FAM78A: variants seen among roughly 807,000 people sequenced by gnomAD.
FAM78A encodes the protein family with sequence similarity 78 member A.
FAM78A carries 12 observed loss-of-function variants against 22.6 expected under a neutral mutation model. The ratio of observed to expected loss-of-function variants is 0.53; its 90% confidence interval spans 0.34 to 0.86. The LOEUF is 0.86. FAM78A is among the 40% of genes least tolerant of loss of function. The pLI is 0.02. For synonymous variants in FAM78A, 151 were observed against 155.8 expected (o/e 0.97, Z 0.23); for missense variants, 322 against 396.1 (o/e 0.81, Z 1.59).
chr9:131,261,949 G>A lies in FAM78A; in HGVS notation c.324-599C>T, dbSNP rs538901762. Among the ~76,000 whole-genome samples the A allele has an allele frequency of 3.9e-5, 6 of 152,280 alleles. No homozygotes were observed. Among genetic ancestry groups the A allele is most frequent in the African/African-American group, 9.6e-5 (4 of 41,556 alleles). ...TACTGTTAAAAATGCACTCCTGGCC[G>A]GGCGTGGTGGCTCACACCTGTAATC... On this transcript the variant is annotated intron_variant, in intron 1 of 1. Coordinates refer to ENST00000372271, the MANE Select transcript of FAM78A (RefSeq NM_033387.4). The surrounding 1 kb of genome is among the most constrained non-coding windows in gnomAD (Gnocchi z 7.1).
chr9:131,266,419 A>T (rs573939994), intron 1 of FAM78A, among the ~76,000 whole-genome samples: 22 of 151,996 alleles, frequency 1.4e-4, no homozygotes, highest in African/African-American at 5.3e-4. Context: ...CAGCTGCTGC[A>T]GTGGGCCATG....
chr9:131,276,033 G>T lies in FAM78A; in HGVS notation c.147C>A (p.Pro49=), dbSNP rs747395501. 1.9e-6 allele frequency: 3 copies of T among 1,613,664 alleles called. No homozygotes were observed. Among genetic ancestry groups the T allele is most frequent in the Non-Finnish European group, 2.5e-6 (3 of 1,180,044 alleles). The change falls in exon 1 of 2, where the codon CCC becomes CCA. Residue 49 remains proline (P), a synonymous_variant. Transcript: ENST00000372271. This position sits in a 1 kb window ranked among gnomAD's most constrained non-coding sequence, Gnocchi z 4.3. ...TVIDVKASID[P]VPTSIDESSS... ...AGGACTCATCGATGCTAGTGGGGAC[G>T]GGGTCGATGGAGGCTTTCACATCAA...
intron 1 of FAM78A, among the ~76,000 whole-genome samples, chr9:131,268,871 C>CAA (rs1564237904): frequency 7.6e-5 from 11 of 145,046 alleles, no homozygotes; most frequent in Admixed American, 4.9e-4. Flanking sequence ...CCAGCCTGGG[C>CAA]GACAGAGCGA....
chr9:131,274,831 G>A lies in FAM78A; in HGVS notation c.323+1026C>T, dbSNP rs1835462963. Among the ~76,000 whole-genome samples the A allele has an allele frequency of 6.6e-6, 1 of 151,736 alleles. No individual in the cohort carries two copies. Among genetic ancestry groups the A allele is most frequent in the Admixed American group, 6.6e-5 (1 of 15,238 alleles). Reference sequence around the variant, plus strand: ...GAGAGAGGCTCTGGGAGTGTCAGCGGCCAGTCACGGGGCCACAGGGTAGAC... The same window carrying A: ...GAGAGAGGCTCTGGGAGTGTCAGCGACCAGTCACGGGGCCACAGGGTAGAC... On this transcript the variant is annotated intron_variant, in intron 1 of 1. Transcript: ENST00000372271. The surrounding 1 kb of genome is among the most constrained non-coding windows in gnomAD (Gnocchi z 4.2).
Position 131,275,737 on chromosome 9 carries a change from C to G in FAM78A, c.323+120G>C. 2 of 1,128,124 alleles carry G rather than the reference C, an allele frequency of 1.8e-6. No homozygotes were observed. The highest frequency in any genetic ancestry group is 5.2e-5 in the East Asian group (2 of 38,618). 69.9% of individuals were successfully genotyped at this position (1,128,124 alleles called of 1,614,324 possible). A position where few individuals can be genotyped will look rare whatever the true frequency, so the allele number is the denominator to read the frequency against. On this transcript the variant is annotated intron_variant, in intron 1 of 1. Transcript: ENST00000372271. This position sits in a 1 kb window ranked among gnomAD's most constrained non-coding sequence, Gnocchi z 4.6. ...ACCTGCATACCTGCCTAAAGCTTCC[C>G]TCTGGCCTCCGTCCTGTCTTCATGG...
Position 131,275,794 on chromosome 9 carries a change from C to A in FAM78A, c.323+63G>T. On this transcript the variant is annotated intron_variant, in intron 1 of 1. Coordinates refer to ENST00000372271, the MANE Select transcript of FAM78A (RefSeq NM_033387.4). This position sits in a 1 kb window ranked among gnomAD's most constrained non-coding sequence, Gnocchi z 4.6. Reference sequence around the variant, plus strand: ...CACCTTCCCCCTATCCGCGGCCCCCCACCAGGCCTCCAAGCTCGGCCATCC... The same window carrying A: ...CACCTTCCCCCTATCCGCGGCCCCCAACCAGGCCTCCAAGCTCGGCCATCC... 6.7e-7 allele frequency: 1 copy of A among 1,502,250 alleles called. No homozygotes were observed. The highest frequency in any genetic ancestry group is 1.3e-5 in the South Asian group (1 of 75,118). The allele number at this position is 1,502,250 out of a possible 1,614,324, so 93.1% of individuals were successfully genotyped here. A position where few individuals can be genotyped will look rare whatever the true frequency, so the allele number is the denominator to read the frequency against.
Position 131,276,354 on chromosome 9 carries a change from C to G in FAM78A, c.-175G>C. On this transcript the variant is annotated 5_prime_UTR_variant, in exon 1 of 2. Transcript: ENST00000372271. This position sits in a 1 kb window ranked among gnomAD's most constrained non-coding sequence, Gnocchi z 4.3. Reference sequence around the variant, plus strand: ...CTGCATTTCATGAGCCCTGGGCTCTCTCTTCTTCTCCTCGCAGTGGACAAA... The same window carrying G: ...CTGCATTTCATGAGCCCTGGGCTCTGTCTTCTTCTCCTCGCAGTGGACAAA... The G allele has an allele frequency of 1.8e-6, 1 of 548,526 alleles. No individual in the cohort carries two copies. Among genetic ancestry groups the G allele is most frequent in the Admixed American group, 3.4e-5 (1 of 29,376 alleles). 34.0% of individuals were successfully genotyped at this position (548,526 alleles called of 1,614,324 possible).
rs987871210 is a variant in FAM78A, at chr9:131,260,743, ATGAC to A, written c.*75_*78del. The A allele has an allele frequency of 1.2e-5, 18 of 1,470,602 alleles. No homozygotes were observed. In the African/African-American group the frequency reaches 1.7e-4, roughly 14 times the overall value. 91.1% of individuals were successfully genotyped at this position (1,470,602 alleles called of 1,614,324 possible). On this transcript the variant is annotated 3_prime_UTR_variant, in exon 2 of 2. Transcript: ENST00000372271. This position sits in a 1 kb window ranked among gnomAD's most constrained non-coding sequence, Gnocchi z 5.4. ...GGGTAGAATGGTTGTATCTTGCTGA[ATGAC>A]TGAAGAGTGAGTCTGAGTTTTGTTT...
rs1424754342 is a variant in FAM78A, at chr9:131,259,239, G to T, written c.*1583C>A. 1 of 152,702 alleles carries T rather than the reference G, an allele frequency of 6.5e-6. No homozygotes were observed. 9.5% of individuals were successfully genotyped at this position (152,702 alleles called of 1,614,324 possible). ...AGCGGGATGTCCCCTAATAGCCCCT[G>T]CAAGTGGCCACAAGGCCGACACTGC... On this transcript the variant is annotated 3_prime_UTR_variant, in exon 2 of 2. Transcript: ENST00000372271.
rs1461049611 is a variant in FAM78A at position 131,274,574 on chromosome 9, T to C, written c.323+1283A>G. Among the ~76,000 whole-genome samples, 1 of 152,180 alleles carries C rather than the reference T, an allele frequency of 6.6e-6. No individual in the cohort carries two copies. Among genetic ancestry groups the C allele is most frequent in the Non-Finnish European group, 1.5e-5 (1 of 68,020 alleles). On this transcript the variant is annotated intron_variant, in intron 1 of 1. Coordinates refer to ENST00000372271, the MANE Select transcript of FAM78A (RefSeq NM_033387.4). The surrounding 1 kb of genome is among the most constrained non-coding windows in gnomAD (Gnocchi z 4.2). ...CCCCCCATGTACCTCTTTGGGACAG[T>C]CACTGTCACACGCTGGACTTAAGGG...
Position 131,260,629 on chromosome 9 carries a change from A to C in FAM78A, c.*193T>G, listed in dbSNP as rs915239802. The C allele has an allele frequency of 5.6e-5, 32 of 569,644 alleles. No homozygotes were observed. The highest frequency in any genetic ancestry group is 1.2e-4 in the South Asian group (4 of 32,638). 35.3% of individuals were successfully genotyped at this position (569,644 alleles called of 1,614,324 possible). ...CGTGGGGTCTGTCTGTCCTGCTTAG[A>C]TCTCCCCTCTCCCTGAAAGGAAGCA... On this transcript the variant is annotated 3_prime_UTR_variant, in exon 2 of 2. Coordinates refer to ENST00000372271, the MANE Select transcript of FAM78A (RefSeq NM_033387.4). The surrounding 1 kb of genome is among the most constrained non-coding windows in gnomAD (Gnocchi z 5.4).
At chr9:131,278,003 C>A (rs1325777684), upstream of FAM78A, among the ~76,000 whole-genome samples, 1 of 146,214 alleles carries the variant, frequency 6.8e-6, no homozygotes, top group East Asian at 2.0e-4. Flanking sequence ...ACGCAGGGAC[C>A]GCCGCCCGCT....
At chr9:131,271,668 C>A (rs1355845530) in intron 1 of FAM78A, among the ~76,000 whole-genome samples, 3 of 152,266 alleles carry the variant, frequency 2.0e-5, no homozygotes, top group African/African-American at 7.2e-5. Flanking sequence ...TTGGCAGAAT[C>A]CTGAGCCATA....
chr9:131,280,403 C>T (rs775447123), upstream of FAM78A, among the ~76,000 whole-genome samples: 24 of 152,226 alleles, frequency 1.6e-4, no homozygotes, highest in East Asian at 3.8e-4. Context: ...CATCCACGCG[C>T]GTGTGAAGTG....
upstream of FAM78A, among the ~76,000 whole-genome samples, chr9:131,277,834 C>T (rs1251486247): frequency 1.3e-5 from 2 of 151,436 alleles, no homozygotes; most frequent in Non-Finnish European, 2.9e-5. The surrounding 1 kb of genome is among the most constrained non-coding windows in gnomAD (Gnocchi z 8.4). Flanking sequence ...GCCGCTCAGC[C>T]CCGCCGCCGC....
chr9:131,265,473 T>G lies in FAM78A; in HGVS notation c.324-4123A>C, dbSNP rs1835332425. Among the ~76,000 whole-genome samples the G allele has an allele frequency of 6.6e-6, 1 of 152,158 alleles. No individual in the cohort carries two copies. The highest frequency in any genetic ancestry group is 1.5e-5 in the Non-Finnish European group (1 of 68,024). ...CGTGTTATTCAGGTTGGTCTCGAAC[T>G]CCTGACCTCAGGTAACCCACCCACC... is the stretch of plus-strand genomic sequence containing the variant. On this transcript the variant is annotated intron_variant, in intron 1 of 1. Transcript: ENST00000372271. The surrounding 1 kb of genome is among the most constrained non-coding windows in gnomAD (Gnocchi z 4.3).
intron 1 of FAM78A, chr9:131,264,300 G>T (rs1000217994): frequency 4.9e-6 from 2 of 410,082 alleles, no homozygotes; most frequent in Non-Finnish European, 4.4e-6. Context: ...CCAGGCCCTG[G>T]CTCAGGCAAA....
intron 1 of FAM78A, chr9:131,270,445 T>A: frequency 1.4e-6 from 1 of 717,452 alleles, no homozygotes; most frequent in Non-Finnish European, 2.6e-6. Context: ...CTACGGCTGT[T>A]GAGTGACGCC....
intron 1 of FAM78A, chr9:131,270,330 GCTTC>G: frequency 1.4e-6 from 1 of 717,588 alleles, no homozygotes; most frequent in Non-Finnish European, 2.6e-6. Context: ...AGGTGAAGAC[GCTTC>G]CTTCCCCCAA....
Sources: gnomAD v4.1 joint callset for allele counts (sites outside exome capture counted in the v4.1 genomes callset) on GRCh38, gnomAD v4.1.1 for gene constraint, Gnocchi (gnomAD v3.1) non-coding constraint, MANE v1.5 for transcripts, NCBI Gene and HGNC (gene_info 2026-07-23, HGNC 2026-07-21) for gene names.